Variants in PSME4 observed in about 807,000 individuals in gnomAD.
PSME4 encodes proteasome activator subunit 4.
In PSME4, 89 loss-of-function variants were observed where a neutral mutation model predicts 253.9. That is an observed-to-expected ratio of 0.35 (90% CI 0.30 to 0.42). The LOEUF (loss-of-function observed/expected upper bound fraction) is 0.42. Ranked by LOEUF, PSME4 falls within the 10% of genes least tolerant of loss-of-function variation. The pLI is 1.00. For synonymous variants in PSME4, 851 were observed against 759.2 expected (o/e 1.12, Z -1.99); for missense variants, 2,014 against 2,195.2 (o/e 0.92, Z 1.65).
chr2:53,941,829 T>C (rs1159776151), intron 3 of PSME4, among the ~76,000 whole-genome samples: 1 of 152,134 alleles, frequency 6.6e-6, no homozygotes, highest in African/African-American at 2.4e-5. Flanking sequence ...ACATTTATTT[T>C]ATTGGTTCTG....
chr2:53,917,948 C>A (rs1460048287), intron 20 of PSME4, among the ~76,000 whole-genome samples: 1 of 152,128 alleles, frequency 6.6e-6, no homozygotes, highest in Admixed American at 6.5e-5. Context: ...ACACTTATAA[C>A]AGATTTCCTT....
intron 10 of PSME4, among the ~76,000 whole-genome samples, chr2:53,931,019 T>A (rs1668804381): frequency 6.6e-6 from 1 of 152,242 alleles, no homozygotes. Flanking sequence ...GGCTCACACC[T>A]GCAATCCCAG....
intron 34 of PSME4, among the ~76,000 whole-genome samples, chr2:53,894,335 G>C (rs940360769): frequency 6.6e-6 from 1 of 152,010 alleles, no homozygotes; most frequent in African/African-American, 2.4e-5. Flanking sequence ...GCAGTGGTGC[G>C]ATCATGGCTC....
At chr2:53,913,907 T>TC (rs1667944177) in intron 20 of PSME4, among the ~76,000 whole-genome samples, 1 of 152,132 alleles carries the variant, frequency 6.6e-6, no homozygotes, top group Non-Finnish European at 1.5e-5. Context: ...TGTGTGCAGC[T>TC]CCCCCAGCAG....
In PSME4 at chr2:53,906,669, A is replaced by C; in HGVS notation, c.2872T>G (p.Cys958Gly). 6.2e-7 allele frequency: 1 copy of C among 1,600,380 alleles called. No homozygotes were observed. Among genetic ancestry groups the C allele is most frequent in the Non-Finnish European group, 8.5e-7 (1 of 1,175,328 alleles). The stretch of plus-strand genomic sequence containing the variant: ...TCTTGATGTATCTTTTTGTATTCAC[A>C]ACCCTCAACAGTTAGTGTCCGTAGC... ...HELRTLTVEG[C>G]EYKKIHQDMI... Residue 958 changes from cysteine to glycine, a missense_variant, in exon 26 of 47, where the codon TGT (cysteine) becomes GGT (glycine). Around this residue, in one of 4 missense-constraint regions of PSME4, gnomAD observed 989 missense variants for 1,021.1 expected, o/e 0.97. Transcript: ENST00000404125.
chr2:53,865,648 A>G (rs2104404849), intron 46 of PSME4, 75 bp from the exon 47 acceptor site: 1 of 153,768 alleles, frequency 6.5e-6, no homozygotes, highest in East Asian at 1.9e-4. Context: ...TGAAATTTTT[A>G]TTCTTCCTAT....
At chr2:53,931,160 C>T (rs1336681998) in intron 10 of PSME4, among the ~76,000 whole-genome samples, 13 of 152,106 alleles carry the variant, frequency 8.5e-5, no homozygotes, top group Non-Finnish European at 1.9e-4. Flanking sequence ...CGCCTGTGAT[C>T]CCACCTACTC....
chr2:53,886,012 C>T (rs918749992), intron 40 of PSME4, among the ~76,000 whole-genome samples: 3 of 152,132 alleles, frequency 2.0e-5, no homozygotes, highest in Non-Finnish European at 2.9e-5. Flanking sequence ...AGTAGAAAGA[C>T]AACCCACAGA....
At chr2:53,887,760 C>A in intron 39 of PSME4, 98 bp downstream of exon 39, 1 of 1,357,240 alleles carries the variant, frequency 7.4e-7, no homozygotes, top group South Asian at 1.5e-5. Context: ...CCATGAAACC[C>A]ACTGACAACA....
rs764913211 is a variant in PSME4 at position 53,927,494 on chromosome 2, A to G, written c.1504-11T>C. 49 of 1,534,456 alleles carry G rather than the reference A, an allele frequency of 3.2e-5. No homozygotes were observed. Among genetic ancestry groups the G allele is most frequent in the Non-Finnish European group, 4.4e-5 (49 of 1,107,920 alleles). ...GAACTGGAATGTGATCTGTGGAAAC[A>G]TACAAAGGATTTTCAACATTACATA... On this transcript the variant is annotated splice_polypyrimidine_tract_variant and intron_variant, in intron 11 of 46. Transcript: ENST00000404125.
intron 9 of PSME4, 86 bp downstream of exon 9, chr2:53,932,582 A>G (rs985204554): frequency 1.8e-6 from 2 of 1,112,428 alleles, no homozygotes; most frequent in South Asian, 2.5e-5. Context: ...CAGAAAATGT[A>G]TTACAGGTCA....
chr2:53,874,196 G>C, intron 43 of PSME4, 143 bp downstream of exon 43: 1 of 797,396 alleles, frequency 1.3e-6, no homozygotes, highest in Non-Finnish European at 1.9e-6. Flanking sequence ...CTGGCATCAA[G>C]TGATCTCACT....
chr2:53,931,939 G>A lies in PSME4; in HGVS notation c.1212C>T (p.Val404=), dbSNP rs750451445. 3.1e-6 allele frequency: 5 copies of A among 1,613,942 alleles called. No individual in the cohort carries two copies. Among genetic ancestry groups the A allele is most frequent in the Non-Finnish European group, 4.2e-6 (5 of 1,179,930 alleles). Residue 404 remains valine, a synonymous_variant, in exon 10 of 47, where the codon GTC becomes GTT. Transcript: ENST00000404125. ...TDFVQCIIQP[V]LLAMFSKTGS... is the part of the protein sequence containing the mutation. ...CGGTTTTGCTAAACATAGCCAAGAGGACAGGCTGAATAATGCATTGTACAA... is the reference window on the plus strand; with the variant it reads ...CGGTTTTGCTAAACATAGCCAAGAGAACAGGCTGAATAATGCATTGTACAA...
chr2:53,948,447 C>T lies in PSME4; in HGVS notation c.474G>A (p.Glu158=). 4 of 1,611,440 alleles carry T rather than the reference C, an allele frequency of 2.5e-6. No homozygotes were observed. The highest frequency in any genetic ancestry group is 3.4e-6 in the Non-Finnish European group (4 of 1,177,688). ...TAGGAAACCAATTTAATCCTAGGTGCTCTGTCTTGGAATATAATATTCTTT... is the reference window on the plus strand; with the variant it reads ...TAGGAAACCAATTTAATCCTAGGTGTTCTGTCTTGGAATATAATATTCTTT... ...MVERILYSKT[E]HLGLNWFPNS... The change falls in exon 3 of 47, where the codon GAG becomes GAA. Residue 158 remains glutamate, a synonymous_variant. Transcript: ENST00000404125.
intron 1 of PSME4, among the ~76,000 whole-genome samples, chr2:53,950,865 A>C (rs904359988): frequency 2.0e-5 from 3 of 151,994 alleles, no homozygotes; most frequent in South Asian, 2.1e-4. Flanking sequence ...AAAGAAAAGA[A>C]AAAGGTGTCC....
At chr2:53,964,007 A>C (rs1670606549) in intron 1 of PSME4, among the ~76,000 whole-genome samples, 3 of 152,198 alleles carry the variant, frequency 2.0e-5, no homozygotes, top group African/African-American at 7.2e-5. Flanking sequence ...AATATTTGAT[A>C]TTTTTCATAA....
intron 18 of PSME4, 126 bp downstream of exon 18, chr2:53,920,763 A>T: frequency 1.2e-6 from 1 of 813,554 alleles, no homozygotes; most frequent in Admixed American, 2.8e-5. Context: ...CACATATTCC[A>T]ATAATAGTTT....
At chr2:53,957,732 G>A (rs921296974) in intron 1 of PSME4, among the ~76,000 whole-genome samples, 5 of 152,110 alleles carry the variant, frequency 3.3e-5, no homozygotes, top group Admixed American at 1.3e-4. Context: ...AATCCCTAGC[G>A]ATGTAAAATG....
intron 3 of PSME4, among the ~76,000 whole-genome samples, chr2:53,942,610 T>C (rs1669504097): frequency 6.6e-6 from 1 of 152,140 alleles, no homozygotes; most frequent in African/African-American, 2.4e-5. Flanking sequence ...CTACCTCTCA[T>C]AAAGCTGTTA....
Sources: gnomAD v4.1 joint callset for allele counts (sites outside exome capture counted in the v4.1 genomes callset) on GRCh38, gnomAD v4.1.1 for gene constraint, gnomAD v4.1.1 regional missense constraint, MANE v1.5 for transcripts, NCBI Gene and HGNC (gene_info 2026-07-23, HGNC 2026-07-21) for gene names.